The following ZFTRAF1 variants were observed in gnomAD, a reference collection of about 807,000 sequenced individuals.
ZFTRAF1 encodes zinc finger TRAF-type and ring finger containing 1.
At chr8:144,453,491 C>G in the ZFTRAF1 span, 3 of 1,530,150 alleles carry the variant, frequency 2.0e-6, no homozygotes, top group East Asian at 4.9e-5. Context: ...ACGAAGCTCA[C>G]AGACCTGCGG....
At chr8:144,450,559 C>G in the ZFTRAF1 span, 2 of 718,146 alleles carry the variant, frequency 2.8e-6, no homozygotes, top group Non-Finnish European at 5.2e-6. Flanking sequence ...GGCCCTTGAG[C>G]AGCAGGAAGG....
chr8:144,458,963 G>T, the ZFTRAF1 span, among the ~76,000 whole-genome samples: 1 of 152,258 alleles, frequency 6.6e-6, no homozygotes, highest in Admixed American at 6.5e-5. Context: ...CCCATGAGGG[G>T]TGGGAACAAT....
chr8:144,459,517 C>T, the ZFTRAF1 span, among the ~76,000 whole-genome samples: 171 of 152,254 alleles, frequency 1.1e-3, 3 homozygotes, highest in Admixed American at 8.5e-4. Context: ...AGCAGGTTTC[C>T]CAGCCTGTGA....
chr8:144,462,321 T>C, the ZFTRAF1 span: 1 of 588,398 alleles, frequency 1.7e-6, no homozygotes, highest in Non-Finnish European at 3.0e-6. Flanking sequence ...AGGCACACGG[T>C]GCAGCACAGC....
At chr8:144,455,741 G>C in the ZFTRAF1 span, 1 of 152,322 alleles carries the variant, frequency 6.6e-6, no homozygotes, top group Non-Finnish European at 1.5e-5. Flanking sequence ...CAGGGCTGGA[G>C]CATCTAATGC....
At chr8:144,458,348 G>T in the ZFTRAF1 span, among the ~76,000 whole-genome samples, 2 of 152,250 alleles carry the variant, frequency 1.3e-5, no homozygotes, top group African/African-American at 4.8e-5. Flanking sequence ...CAACTAGCCA[G>T]AGATTCCAGA....
At chr8:144,450,227 A>C in the ZFTRAF1 span, 4 of 600,066 alleles carry the variant, frequency 6.7e-6, no homozygotes, top group Non-Finnish European at 1.2e-5. Flanking sequence ...CCCGTCGCGC[A>C]CGCATGCAGA....
chr8:144,453,692 G>A, the ZFTRAF1 span: 628 of 538,428 alleles, frequency 1.2e-3, 3 homozygotes, highest in Admixed American at 3.2e-3. Flanking sequence ...CTAAAAGCAA[G>A]GCCTCATCAG....
At chr8:144,452,141 A>G in the ZFTRAF1 span, 1 of 625,012 alleles carries the variant, frequency 1.6e-6, no homozygotes, top group Non-Finnish European at 2.9e-6. Flanking sequence ...AGAGCCACAC[A>G]GGTGTGCACC....
the ZFTRAF1 span, chr8:144,453,314 G>A: frequency 2.1e-5 from 32 of 1,551,196 alleles, no homozygotes; most frequent in South Asian, 1.7e-4. Flanking sequence ...GCTCGCTCAC[G>A]GCTTTCTCCA....
the ZFTRAF1 span, among the ~76,000 whole-genome samples, chr8:144,461,632 G>C: frequency 6.6e-6 from 1 of 152,164 alleles, no homozygotes; most frequent in Non-Finnish European, 1.5e-5. Context: ...TTGGATGTGG[G>C]GTTTGGCTGG....
the ZFTRAF1 span, chr8:144,462,720 GCGCTCCCGC>G: frequency 7.1e-6 from 1 of 139,872 alleles, no homozygotes; most frequent in Admixed American, 7.0e-5. Context: ...GGGGCGCCGC[GCGCTCCCGC>G]CGCTCTCCTG....
the ZFTRAF1 span, chr8:144,452,439 A>T: frequency 6.5e-6 from 10 of 1,549,860 alleles, no homozygotes; most frequent in Non-Finnish European, 8.7e-6. Context: ...GCTCTGGTCC[A>T]TCCCATCCAG....
chr8:144,460,167 C>A, the ZFTRAF1 span, among the ~76,000 whole-genome samples: 1 of 152,206 alleles, frequency 6.6e-6, no homozygotes. Flanking sequence ...GAGGCCTGTG[C>A]CCACAGCACT....
At chr8:144,458,649 G>A in the ZFTRAF1 span, among the ~76,000 whole-genome samples, 294 of 152,304 alleles carry the variant, frequency 1.9e-3, no homozygotes, top group Admixed American at 3.9e-3. Context: ...AGACATGGGC[G>A]CTACAGGCGG....
At chr8:144,450,748 G>T in the ZFTRAF1 span, 1 of 705,742 alleles carries the variant, frequency 1.4e-6, no homozygotes, top group South Asian at 1.5e-5. Context: ...AGTCGTCTGT[G>T]CGGTACGGCC....
the ZFTRAF1 span, chr8:144,453,644 G>C: frequency 3.8e-5 from 23 of 599,104 alleles, no homozygotes; most frequent in African/African-American, 4.3e-4. Flanking sequence ...AGGAGAAACA[G>C]GCAGAGCCAG....
the ZFTRAF1 span, among the ~76,000 whole-genome samples, chr8:144,459,591 T>G: frequency 6.6e-6 from 1 of 152,216 alleles, no homozygotes; most frequent in Non-Finnish European, 1.5e-5. Context: ...GGCTCAGACC[T>G]GGGGCACCAC....
the ZFTRAF1 span, among the ~76,000 whole-genome samples, chr8:144,458,338 CA>C: frequency 2.0e-5 from 3 of 152,346 alleles, no homozygotes; most frequent in African/African-American, 7.2e-5. Context: ...ACAAAAATTC[CA>C]ACTAGCCAGA....
Sources: gnomAD v4.1 joint callset for allele counts (sites outside exome capture counted in the v4.1 genomes callset) on GRCh38, gnomAD v4.1.1 for gene constraint, MANE v1.5 for transcripts, NCBI Gene and HGNC (gene_info 2026-07-23, HGNC 2026-07-21) for gene names.